The following ADAMTS2 variants were observed in gnomAD, a reference collection of about 807,000 sequenced individuals.
The protein encoded by ADAMTS2 is ADAM metallopeptidase with thrombospondin type 1 motif 2.
ADAMTS2 carries 50 observed loss-of-function variants against 123.0 expected under a neutral mutation model. The ratio of observed to expected loss-of-function variants is 0.41; its 90% CI spans 0.32 to 0.51. The LOEUF (loss-of-function observed/expected upper bound fraction) is 0.51. Ranked by LOEUF, ADAMTS2 falls within the 20% of genes least tolerant of loss-of-function variation. ADAMTS2 has a pLI of 0.35. For missense variants in ADAMTS2, 1,494 were observed against 1,705.2 expected (o/e 0.88, Z 2.18); for synonymous variants, 678 against 695.4 (o/e 0.98, Z 0.39).
At chr5:179,226,671 C>T (rs1218464971) in intron 3 of ADAMTS2, among the ~76,000 whole-genome samples, 1 of 152,128 alleles carries the variant, frequency 6.6e-6, no homozygotes, top group Non-Finnish European at 1.5e-5. Flanking sequence ...GGGGTACATG[C>T]TGAGAGAAAC....
chr5:179,141,389 C>T (rs1040807461), intron 10 of ADAMTS2, among the ~76,000 whole-genome samples: 1 of 152,114 alleles, frequency 6.6e-6, no homozygotes, highest in Admixed American at 6.6e-5. Flanking sequence ...CTTATTGGAA[C>T]TTTATTTTGT....
At chr5:179,224,386 C>G (rs2113414252) in intron 3 of ADAMTS2, among the ~76,000 whole-genome samples, 1 of 152,336 alleles carries the variant, frequency 6.6e-6, no homozygotes, top group Non-Finnish European at 1.5e-5. Flanking sequence ...CCTGTGGGTC[C>G]CTGCTAGGCT....
At chr5:179,330,491 T>C (rs1429431358) in intron 2 of ADAMTS2, among the ~76,000 whole-genome samples, 2 of 152,242 alleles carry the variant, frequency 1.3e-5, no homozygotes, top group Admixed American at 6.5e-5. Context: ...CTTTGGTTTT[T>C]AATGTCCCTA....
rs187539 is a variant in ADAMTS2 at position 179,188,161 on chromosome 5, G to A, written c.892-7006C>T. 0.56 allele frequency among the ~76,000 whole-genome samples: 84,457 copies of A among 152,086 alleles called. 24,048 individuals are homozygous for A. The highest frequency in any genetic ancestry group is 0.6 in the Non-Finnish European group (40,729 of 67,968). On this transcript the variant is annotated intron_variant, in intron 4 of 21. Coordinates refer to ENST00000251582, the MANE Select transcript of ADAMTS2 (RefSeq NM_014244.5). The surrounding 1 kb of genome is among the most constrained non-coding windows in gnomAD (Gnocchi z 5.1). ...CCCCAACCTTCAGGAAAGTTCCCATGTCCTTCGCTCAGCTGAGCTTTGGGC... is the reference window on the plus strand; with the variant it reads ...CCCCAACCTTCAGGAAAGTTCCCATATCCTTCGCTCAGCTGAGCTTTGGGC...
Position 179,222,396 on chromosome 5 carries a change from A to G in ADAMTS2, c.689-14681T>C, listed in dbSNP as rs532089056. 8.7e-3 allele frequency among the ~76,000 whole-genome samples: 1,329 copies of G among 152,270 alleles called. 7 individuals are homozygous for G. Among genetic ancestry groups the G allele is most frequent in the Non-Finnish European group, 0.011 (775 of 68,004 alleles). ...AGCCTCACAGGGCCTTTCCTCCCCAACCGGGGCAGGTGGCAGGGATGCACT... is the reference window on the plus strand; with the variant it reads ...AGCCTCACAGGGCCTTTCCTCCCCAGCCGGGGCAGGTGGCAGGGATGCACT... On this transcript the variant is annotated intron_variant, in intron 3 of 21. Coordinates refer to ENST00000251582, the MANE Select transcript of ADAMTS2 (RefSeq NM_014244.5).
At chr5:179,152,463 C>T (rs915555472) in intron 9 of ADAMTS2, among the ~76,000 whole-genome samples, 1 of 152,138 alleles carries the variant, frequency 6.6e-6, no homozygotes, top group African/African-American at 2.4e-5. Flanking sequence ...CGCGGCTGGG[C>T]CTCTCTGCCT....
intron 2 of ADAMTS2, among the ~76,000 whole-genome samples, chr5:179,274,390 ACT>A (rs1766634214): frequency 6.6e-6 from 1 of 151,992 alleles, no homozygotes; most frequent in Admixed American, 6.6e-5. Context: ...AGATTTCCAG[ACT>A]CTCTTGAAAA....
chr5:179,261,493 C>A (rs35932911), intron 3 of ADAMTS2, among the ~76,000 whole-genome samples: 1 of 152,128 alleles, frequency 6.6e-6, no homozygotes, highest in Non-Finnish European at 1.5e-5. Context: ...GGCTCGAGCG[C>A]GTCTGGGCTG....
At chr5:179,300,227 T>C (rs920870940) in intron 2 of ADAMTS2, among the ~76,000 whole-genome samples, 4 of 152,146 alleles carry the variant, frequency 2.6e-5, no homozygotes, top group Non-Finnish European at 4.4e-5. Context: ...CTATGTCACC[T>C]GATTTATTCC....
At chr5:179,321,065 A>G (rs1757158378) in intron 2 of ADAMTS2, among the ~76,000 whole-genome samples, 1 of 152,162 alleles carries the variant, frequency 6.6e-6, no homozygotes, top group South Asian at 2.1e-4. Context: ...CAGATTAACC[A>G]ATAAGTTTTT....
At chr5:179,280,710 G>A (rs648863) in intron 2 of ADAMTS2, among the ~76,000 whole-genome samples, 130,927 of 152,066 alleles carry the variant, frequency 0.86, 59,393 homozygotes, top group East Asian at 1. Flanking sequence ...AGCCTACACC[G>A]CTGCCCTTCT....
At chr5:179,322,819 G>A (rs1380419838) in intron 2 of ADAMTS2, among the ~76,000 whole-genome samples, 1 of 152,236 alleles carries the variant, frequency 6.6e-6, no homozygotes, top group Non-Finnish European at 1.5e-5. Context: ...GACGGTACCA[G>A]GGGGAGTTAA....
chr5:179,266,677 C>T (rs1184642461), intron 3 of ADAMTS2, among the ~76,000 whole-genome samples: 1 of 152,224 alleles, frequency 6.6e-6, no homozygotes, highest in Non-Finnish European at 1.5e-5. Flanking sequence ...AGATGGACGT[C>T]GACAGCTACA....
At chr5:179,316,987 G>C (rs1757017845) in intron 2 of ADAMTS2, among the ~76,000 whole-genome samples, 1 of 152,114 alleles carries the variant, frequency 6.6e-6, no homozygotes, top group South Asian at 2.1e-4. Context: ...ACAGTGGTGA[G>C]AAAGGATGGA....
intron 3 of ADAMTS2, among the ~76,000 whole-genome samples, chr5:179,266,359 G>A (rs906406494): frequency 6.6e-6 from 1 of 152,218 alleles, no homozygotes; most frequent in African/African-American, 2.4e-5. Context: ...GGCCCTAAAT[G>A]TTATCACAAG....
chr5:179,329,192 T>C (rs1246768514), intron 2 of ADAMTS2, among the ~76,000 whole-genome samples: 4 of 151,966 alleles, frequency 2.6e-5, no homozygotes, highest in Non-Finnish European at 4.4e-5. Context: ...CCGGGTGTGG[T>C]GGCGGGCGCC....
In ADAMTS2 at chr5:179,188,316, G is replaced by A. The variant is rs902452325; in HGVS notation, c.892-7161C>T. Among the ~76,000 whole-genome samples the A allele has an allele frequency of 1.3e-5, 2 of 152,224 alleles. No individual in the cohort carries two copies. The highest frequency in any genetic ancestry group is 2.9e-5 in the Non-Finnish European group (2 of 68,032). On this transcript the variant is annotated intron_variant, in intron 4 of 21. Coordinates refer to ENST00000251582, the MANE Select transcript of ADAMTS2 (RefSeq NM_014244.5). This position sits in a 1 kb window ranked among gnomAD's most constrained non-coding sequence, Gnocchi z 5.1. ...GCTTCTCTGGGACCCCCTGAAATAA[G>A]TGAGGAGAAGGCTGTTCTCTCTGTG...
intron 2 of ADAMTS2, among the ~76,000 whole-genome samples, chr5:179,284,371 A>G (rs1408290777): frequency 1.3e-5 from 2 of 151,910 alleles, no homozygotes; most frequent in African/African-American, 2.4e-5. Context: ...AAAACAATAA[A>G]TGGTCAGATT....
chr5:179,148,729 C>A (rs1438997238), intron 10 of ADAMTS2, among the ~76,000 whole-genome samples: 3 of 152,188 alleles, frequency 2.0e-5, no homozygotes, highest in Admixed American at 6.5e-5. Context: ...CCCTTCCTTC[C>A]TAGCAAAGGC....
Sources: allele counts gnomAD v4.1 joint callset (sites outside exome capture counted in the v4.1 genomes callset), GRCh38; gene constraint gnomAD v4.1.1; non-coding constraint Gnocchi (gnomAD v3.1); transcripts MANE v1.5; gene names NCBI Gene and HGNC (gene_info 2026-07-23, HGNC 2026-07-21).